RPH3A: variants seen among roughly 807,000 people sequenced by gnomAD.
The protein encoded by RPH3A is rabphilin-3A.
In RPH3A, 48 loss-of-function variants were observed where a neutral mutation model predicts 102.2. That is an observed-to-expected ratio of 0.47 (90% CI 0.37 to 0.60). The LOEUF is 0.60. Ranked by LOEUF, RPH3A falls within the 20% of genes least tolerant of loss-of-function variation. RPH3A has a pLI of 0.00. For synonymous variants in RPH3A, 310 were observed against 324.3 expected, an observed-to-expected ratio of 0.96 and a Z score of 0.47; for missense variants, 781 against 910.1, an observed-to-expected ratio of 0.86 and a Z score of 1.83.
intron 2 of RPH3A, among the ~76,000 whole-genome samples, chr12:112,796,316 C>A (rs186809002): frequency 6.6e-6 from 1 of 152,214 alleles, no homozygotes. Flanking sequence ...GAAACCTGAG[C>A]CTTCCTTCCC....
intron 3 of RPH3A, among the ~76,000 whole-genome samples, chr12:112,829,216 A>G (rs2041928521): frequency 6.6e-6 from 1 of 152,186 alleles, no homozygotes; most frequent in South Asian, 2.1e-4. Flanking sequence ...TATTTTTGTA[A>G]AAAGAATAAA....
intron 2 of RPH3A, among the ~76,000 whole-genome samples, chr12:112,814,164 A>C (rs1036535923): frequency 6.6e-6 from 1 of 151,698 alleles, no homozygotes; most frequent in South Asian, 2.1e-4. Flanking sequence ...GCAAGGTGAG[A>C]AGATAAGAAG....
At chr12:112,836,416 A>G in intron 3 of RPH3A, 75 bp from the exon 4 acceptor site, 1 of 814,466 alleles carries the variant, frequency 1.2e-6, no homozygotes, top group Non-Finnish European at 1.9e-6. Flanking sequence ...GCATCCAGAC[A>G]GTGTAGATAT....
intron 2 of RPH3A, among the ~76,000 whole-genome samples, chr12:112,814,040 T>C (rs2041628635): frequency 6.6e-6 from 1 of 151,134 alleles, no homozygotes; most frequent in African/African-American, 2.4e-5. Flanking sequence ...GAGTGGGGTG[T>C]GTGTGTGTGT....
At chr12:112,628,550 C>T (rs2039781521) in intron 1 of RPH3A, among the ~76,000 whole-genome samples, 1 of 100,620 alleles carries the variant, frequency 9.9e-6, no homozygotes, top group South Asian at 3.8e-4. Context: ...GGAAACATTG[C>T]AAGGCCTGTC....
intron 1 of RPH3A, among the ~76,000 whole-genome samples, chr12:112,594,926 G>A (rs2039506191): frequency 1.3e-5 from 2 of 152,198 alleles, no homozygotes; most frequent in African/African-American, 2.4e-5. Flanking sequence ...ACTCTAGAGA[G>A]CATTACTCAC....
chr12:112,875,257 TG>T (rs2042775285), intron 11 of RPH3A, 87 bp downstream of exon 11: 8 of 1,027,986 alleles, frequency 7.8e-6, no homozygotes, highest in Non-Finnish European at 8.4e-6. Flanking sequence ...CAGAGCATGC[TG>T]GGCTTTCTGC....
intron 1 of RPH3A, among the ~76,000 whole-genome samples, chr12:112,694,631 C>A (rs536862505): frequency 1.8e-5 from 2 of 114,120 alleles, no homozygotes; most frequent in African/African-American, 7.8e-5. Flanking sequence ...AAGACACACG[C>A]ACGCGCGCGC....
At chr12:112,658,347 T>A (rs2136001497) in intron 1 of RPH3A, among the ~76,000 whole-genome samples, 1 of 152,216 alleles carries the variant, frequency 6.6e-6, no homozygotes, top group East Asian at 1.9e-4. Flanking sequence ...TGGCTAATTT[T>A]TGTATTTTTA....
Position 112,637,601 on chromosome 12 carries a change from C to A in RPH3A, c.-140+62282C>A, listed in dbSNP as rs182440711. ...GTTTGAAAATACTCTGCATATTATG[C>A]TAATAGGAATAAAATGCAATGAAGG... is the stretch of plus-strand genomic sequence containing the variant. On this transcript the variant is annotated intron_variant, in intron 1 of 21. Transcript: ENST00000543106. Among the ~76,000 whole-genome samples the A allele has an allele frequency of 3.0e-4, 45 of 152,216 alleles. 1 individual carries two copies. Among genetic ancestry groups the A allele is most frequent in the Admixed American group, 2.7e-3 (42 of 15,286 alleles).
At position 112,864,935 on chromosome 12, in the gene RPH3A, G is replaced by A. The variant is rs192997640; in HGVS notation, c.231-479G>A. On this transcript the variant is annotated intron_variant, in intron 5 of 21. Coordinates refer to ENST00000389385, the MANE Select transcript of RPH3A (RefSeq NM_001143854.2). ...CCCTGCCACGGGGTTTCTGGTTTGA[G>A]CAAGTATGTAGATGGTGGTGACATT... is the stretch of plus-strand genomic sequence containing the variant. Among the ~76,000 whole-genome samples, 900 of 152,290 alleles carry A rather than the reference G, an allele frequency of 5.9e-3. 8 individuals carry two copies. The highest frequency in any genetic ancestry group is 7.8e-3 in the Non-Finnish European group (531 of 68,024).
intron 1 of RPH3A, among the ~76,000 whole-genome samples, chr12:112,639,830 C>T (rs746670011): frequency 3.3e-5 from 5 of 152,264 alleles, no homozygotes; most frequent in East Asian, 1.9e-4. Context: ...TTCCGCATGA[C>T]GTCTGGTAAC....
At chr12:112,830,901 A>G (rs2041960222) in intron 3 of RPH3A, among the ~76,000 whole-genome samples, 1 of 151,880 alleles carries the variant, frequency 6.6e-6, no homozygotes, top group Non-Finnish European at 1.5e-5. Context: ...TTGTTGTTTA[A>G]TTCAGTGTGG....
chr12:112,609,320 A>G lies in RPH3A; in HGVS notation c.-140+34001A>G, dbSNP rs529961699. Among the ~76,000 whole-genome samples the G allele has an allele frequency of 5.9e-5, 9 of 152,298 alleles. No homozygotes were observed. The South Asian group carries it at 1.9e-3, about 32-fold the overall frequency. ...TGGCCTCAAGTGATCCTCCCATCTTAGCCTCCTCAGTAGCTGGAATTAGAC... is the reference window on the plus strand; with the variant it reads ...TGGCCTCAAGTGATCCTCCCATCTTGGCCTCCTCAGTAGCTGGAATTAGAC... On this transcript the variant is annotated intron_variant, in intron 1 of 21. Coordinates refer to the RPH3A transcript ENST00000543106.
At chr12:112,664,988 G>T (rs1483576208) in intron 1 of RPH3A, among the ~76,000 whole-genome samples, 1 of 152,100 alleles carries the variant, frequency 6.6e-6, no homozygotes, top group Non-Finnish European at 1.5e-5. Flanking sequence ...ACCCCAGGTT[G>T]TCCTTCAGAG....
intron 4 of RPH3A, among the ~76,000 whole-genome samples, chr12:112,846,543 G>A (rs1351146383): frequency 6.6e-6 from 1 of 152,348 alleles, no homozygotes; most frequent in Admixed American, 6.5e-5. Flanking sequence ...GAGGAAGATG[G>A]GTTTTTAATT....
Position 112,875,076 on chromosome 12 carries a change from C to T in RPH3A, c.797-8C>T. On this transcript the variant is annotated splice_region_variant and splice_polypyrimidine_tract_variant and intron_variant, in intron 10 of 21. Transcript: ENST00000389385. ...CATAATGGCTGTTTTCTTTTCTTTCCTCTGCAGGTTTGAGACGGGCCAACT... is the reference window on the plus strand; with the variant it reads ...CATAATGGCTGTTTTCTTTTCTTTCTTCTGCAGGTTTGAGACGGGCCAACT... 1.2e-6 allele frequency: 2 copies of T among 1,601,906 alleles called. No homozygotes were observed. Among genetic ancestry groups the T allele is most frequent in the Middle Eastern group, 1.7e-4 (1 of 6,044 alleles).
At chr12:112,779,319 TC>T (rs1370672862) in intron 1 of RPH3A, among the ~76,000 whole-genome samples, 1 of 152,118 alleles carries the variant, frequency 6.6e-6, no homozygotes, top group African/African-American at 2.4e-5. Flanking sequence ...GTCCCATGTC[TC>T]CCAGGGACAG....
At chr12:112,825,810 T>G (rs1387966518) in intron 2 of RPH3A, among the ~76,000 whole-genome samples, 4 of 152,070 alleles carry the variant, frequency 2.6e-5, no homozygotes, top group Non-Finnish European at 5.9e-5. Flanking sequence ...CAACTTATAT[T>G]AAATTGGGGT....
Sources: allele counts gnomAD v4.1 joint callset (sites outside exome capture counted in the v4.1 genomes callset), GRCh38; gene constraint gnomAD v4.1.1; transcripts MANE v1.5; gene names NCBI Gene and HGNC (gene_info 2026-07-23, HGNC 2026-07-21).